The following NEGR1 variants were observed in gnomAD, a reference collection of about 807,000 sequenced individuals.
NEGR1 encodes neuronal growth regulator 1.
Under a neutral mutation model 40.9 loss-of-function variants are expected in NEGR1, and 10 were observed. That is an observed-to-expected ratio of 0.24 (90% CI 0.15 to 0.42). The LOEUF is 0.42. Ranked by LOEUF, NEGR1 falls within the 10% of genes least tolerant of loss-of-function variation. The pLI is 1.00. For synonymous variants in NEGR1, 185 were observed against 166.8 expected, an observed-to-expected ratio of 1.11 and a Z score of -0.84; for missense variants, 352 against 438.9, an observed-to-expected ratio of 0.80 and a Z score of 1.77.
chr1:71,556,959 A>G (rs1648274270), intron 6 of NEGR1, among the ~76,000 whole-genome samples: 1 of 151,746 alleles, frequency 6.6e-6, no homozygotes, highest in Non-Finnish European at 1.5e-5. Flanking sequence ...CGTGAAGTGA[A>G]TAGGAATGTG....
chr1:71,705,832 GAA>G (rs1208970395), intron 3 of NEGR1, among the ~76,000 whole-genome samples: 1 of 151,504 alleles, frequency 6.6e-6, no homozygotes, highest in East Asian at 1.9e-4. Context: ...AAGAAAGAAA[GAA>G]AGAGAGAGAG....
At chr1:71,462,145 T>C (rs1391254943) in intron 6 of NEGR1, among the ~76,000 whole-genome samples, 1 of 152,102 alleles carries the variant, frequency 6.6e-6, no homozygotes, top group Non-Finnish European at 1.5e-5. Context: ...TTAAATAAAA[T>C]CCTCTTATAA....
intron 1 of NEGR1, among the ~76,000 whole-genome samples, chr1:72,150,640 A>T (rs938205824): frequency 5.3e-5 from 8 of 152,112 alleles, no homozygotes; most frequent in South Asian, 2.1e-4. Context: ...CTAGAGTATA[A>T]CTGATTTTAA....
intron 2 of NEGR1, among the ~76,000 whole-genome samples, chr1:71,825,306 A>T (rs866418677): frequency 6.6e-6 from 1 of 151,964 alleles, no homozygotes; most frequent in Admixed American, 6.6e-5. Flanking sequence ...CTCCTTCAGA[A>T]AACAGTCTGA....
At chr1:72,152,928 C>T (rs1266828586) in intron 1 of NEGR1, among the ~76,000 whole-genome samples, 2 of 151,828 alleles carry the variant, frequency 1.3e-5, no homozygotes, top group South Asian at 2.1e-4. Context: ...GTGAGCTAAA[C>T]ATCAGGCACA....
intron 6 of NEGR1, among the ~76,000 whole-genome samples, chr1:71,453,397 T>C (rs1248367596): frequency 6.6e-6 from 1 of 152,136 alleles, no homozygotes; most frequent in East Asian, 1.9e-4. Flanking sequence ...GATATAGCAT[T>C]TGAAACTCTC....
At chr1:71,795,751 G>GAAAA (rs1657300785) in intron 2 of NEGR1, among the ~76,000 whole-genome samples, 2 of 152,098 alleles carry the variant, frequency 1.3e-5, no homozygotes, top group African/African-American at 4.8e-5. Context: ...AATGCTGAGT[G>GAAAA]CAAAAAGCCA....
intron 2 of NEGR1, among the ~76,000 whole-genome samples, chr1:71,925,798 C>T (rs1645767175): frequency 6.6e-6 from 1 of 151,616 alleles, no homozygotes; most frequent in Non-Finnish European, 1.5e-5. Context: ...AAAGTTATTT[C>T]ACCAGACATA....
intron 4 of NEGR1, among the ~76,000 whole-genome samples, chr1:71,651,921 A>G (rs1482805554): frequency 1.1e-4 from 16 of 152,162 alleles, no homozygotes; most frequent in Non-Finnish European, 2.4e-4. Context: ...CAACAAGTGA[A>G]TAATTCCCTG....
At chr1:72,096,972 G>T (rs551592938) in intron 1 of NEGR1, among the ~76,000 whole-genome samples, 1 of 152,054 alleles carries the variant, frequency 6.6e-6, no homozygotes, top group South Asian at 2.1e-4. Flanking sequence ...GTGAGCCACC[G>T]CACCCAGCTG....
At chr1:71,994,430 A>G (rs1428981344) in intron 1 of NEGR1, among the ~76,000 whole-genome samples, 1 of 152,002 alleles carries the variant, frequency 6.6e-6, no homozygotes, top group Non-Finnish European at 1.5e-5. Flanking sequence ...CGGGAGGCTG[A>G]GGCAGGAGAA....
chr1:71,971,473 T>C (rs1258236020), intron 1 of NEGR1, among the ~76,000 whole-genome samples: 2 of 152,178 alleles, frequency 1.3e-5, no homozygotes, highest in East Asian at 3.8e-4. Flanking sequence ...GGTTGTCACG[T>C]GAATTACATG....
chr1:71,944,086 C>A (rs554138736), intron 1 of NEGR1, among the ~76,000 whole-genome samples: 20 of 152,230 alleles, frequency 1.3e-4, no homozygotes, highest in Non-Finnish European at 2.4e-4. Flanking sequence ...TGCTTTCTCC[C>A]ACATGGACTT....
chr1:72,188,114 T>A (rs1258383528), intron 1 of NEGR1, among the ~76,000 whole-genome samples: 1 of 151,384 alleles, frequency 6.6e-6, no homozygotes, highest in East Asian at 1.9e-4. Context: ...TTTACTCTCA[T>A]GAGATGAATA....
At chr1:71,870,403 G>T (rs955980108) in intron 2 of NEGR1, among the ~76,000 whole-genome samples, 1 of 152,112 alleles carries the variant, frequency 6.6e-6, no homozygotes, top group Non-Finnish European at 1.5e-5. Context: ...TTATAGAAAT[G>T]ATCAGTGGGC....
chr1:72,221,423 T>A (rs1654008474), intron 1 of NEGR1, among the ~76,000 whole-genome samples: 2 of 152,268 alleles, frequency 1.3e-5, no homozygotes, highest in East Asian at 3.9e-4. Context: ...TGATTGTCAA[T>A]TAATTTTAAT....
At position 71,434,091 on chromosome 1, in the gene NEGR1, A is replaced by AT. The variant is rs542284098; in HGVS notation, c.941-26522dup. On this transcript the variant is annotated intron_variant, in intron 6 of 6. Transcript: ENST00000357731. ...ATTATGTGGGTCCACTTATACATAG[A>AT]TTTTTTTTTCAATAAATATATTGAG... Among the ~76,000 whole-genome samples the AT allele has an allele frequency of 5.7e-3, 860 of 151,582 alleles. 6 individuals are homozygous for AT. Among genetic ancestry groups the AT allele is most frequent in the African/African-American group, 0.02 (815 of 41,364 alleles).
intron 1 of NEGR1, among the ~76,000 whole-genome samples, chr1:72,150,271 T>C (rs1286569037): frequency 6.6e-6 from 1 of 152,182 alleles, no homozygotes; most frequent in Non-Finnish European, 1.5e-5. Context: ...AACTGTCACA[T>C]ATTGACTTGG....
intron 6 of NEGR1, among the ~76,000 whole-genome samples, chr1:71,555,674 A>G (rs559018851): frequency 6.6e-6 from 1 of 151,782 alleles, no homozygotes; most frequent in African/African-American, 2.4e-5. Context: ...CGTGAACATA[A>G]GGTCAGCAAA....
Sources: gnomAD v4.1 joint callset for allele counts (sites outside exome capture counted in the v4.1 genomes callset) on GRCh38, gnomAD v4.1.1 for gene constraint, MANE v1.5 for transcripts, NCBI Gene and HGNC (gene_info 2026-07-23, HGNC 2026-07-21) for gene names.